PKHD1: variants seen among roughly 807,000 people sequenced by gnomAD.
The protein encoded by PKHD1 is PKHD1 ciliary IPT domain containing fibrocystin/polyductin, also known as fibrocystin.
In PKHD1, 291 loss-of-function variants were observed where a neutral mutation model predicts 412.0. The observed-to-expected ratio is 0.71, with a 90% CI of 0.64 to 0.78. PKHD1 has a LOEUF of 0.78. Ranked by LOEUF, PKHD1 falls within the 30% of genes least tolerant of loss-of-function variation. The probability of loss-of-function intolerance (pLI) is 0.00; values close to 1 mark genes in which losing one functional copy is unlikely to be tolerated. For synonymous variants in PKHD1, 1,777 were observed against 1,821.5 expected (o/e 0.98, Z 0.62); for missense variants, 4,825 against 4,950.7 (o/e 0.97, Z 0.76).
chr6:51,764,249 C>T (rs1376304034), intron 55 of PKHD1, among the ~76,000 whole-genome samples: 4 of 149,364 alleles, frequency 2.7e-5, no homozygotes, highest in East Asian at 2.0e-4. Flanking sequence ...AAAAAGTGGG[C>T]GAAAGACATG....
intron 52 of PKHD1, among the ~76,000 whole-genome samples, chr6:51,804,046 G>A (rs1289172015): frequency 6.6e-6 from 1 of 151,432 alleles, no homozygotes; most frequent in Non-Finnish European, 1.5e-5. Context: ...AGAAGTAGAT[G>A]TGAAGTCCTT....
At chr6:52,026,322 AC>A in intron 31 of PKHD1, 141 bp from the exon 32 acceptor site, 1 of 774,344 alleles carries the variant, frequency 1.3e-6, no homozygotes, top group Admixed American at 2.0e-5. Context: ...TCTCACCCCC[AC>A]CAAAGCTAAA....
intron 64 of PKHD1, among the ~76,000 whole-genome samples, chr6:51,637,267 C>T (rs1339777417): frequency 6.6e-6 from 1 of 152,132 alleles, no homozygotes; most frequent in African/African-American, 2.4e-5. Flanking sequence ...AAGACATATC[C>T]ATTCAAAAAC....
rs562718895 is a variant in PKHD1 at position 51,826,797 on chromosome 6, C to T, written c.8302+4064G>A. Among the ~76,000 whole-genome samples, 83 of 151,902 alleles carry T rather than the reference C, an allele frequency of 5.5e-4. No individual in the cohort carries two copies. The South Asian group carries it at 0.01, about 19-fold the overall frequency. On this transcript the variant is annotated intron_variant, in intron 52 of 66. Transcript: ENST00000371117. ...ATCCAATGTCCATAAAGATAGAACG[C>T]CTTGAAGGAAAATGGTACCATACTT... is the stretch of plus-strand genomic sequence containing the variant.
chr6:51,666,019 C>T (rs1019294541), intron 60 of PKHD1, among the ~76,000 whole-genome samples: 1 of 151,944 alleles, frequency 6.6e-6, no homozygotes, highest in Non-Finnish European at 1.5e-5. Flanking sequence ...TCAAGTATGA[C>T]GGTGAGTATT....
At chr6:51,850,554 C>G (rs2151645352) in intron 49 of PKHD1, among the ~76,000 whole-genome samples, 1 of 152,218 alleles carries the variant, frequency 6.6e-6, no homozygotes, top group African/African-American at 2.4e-5. Flanking sequence ...TTGTTTGTGT[C>G]CTCTCTTATT....
At chr6:51,883,338 T>A in intron 45 of PKHD1, 111 bp from the exon 46 acceptor site, 1 of 979,214 alleles carries the variant, frequency 1.0e-6, no homozygotes, top group Non-Finnish European at 1.6e-6. Flanking sequence ...TATATTGTAT[T>A]AAAGCACCTT....
At chr6:51,890,991 C>T (rs144342512) in intron 43 of PKHD1, among the ~76,000 whole-genome samples, 11 of 152,276 alleles carry the variant, frequency 7.2e-5, no homozygotes, top group African/African-American at 2.6e-4. Flanking sequence ...GGACTGAATG[C>T]AGACAAGGGT....
intron 51 of PKHD1, among the ~76,000 whole-genome samples, chr6:51,835,673 G>C (rs1769080038): frequency 6.6e-6 from 1 of 152,146 alleles, no homozygotes; most frequent in African/African-American, 2.4e-5. Context: ...ATTCTTCATA[G>C]TCCAATAAGC....
At chr6:52,073,618 T>G in intron 6 of PKHD1, 77 bp from the exon 7 acceptor site, 1 of 876,478 alleles carries the variant, frequency 1.1e-6, no homozygotes, top group Non-Finnish European at 1.9e-6. Context: ...TGTTTCTTTT[T>G]GGTTGTATAT....
intron 60 of PKHD1, among the ~76,000 whole-genome samples, chr6:51,679,348 A>C (rs901281216): frequency 3.9e-5 from 6 of 152,068 alleles, no homozygotes; most frequent in African/African-American, 1.4e-4. Context: ...GGCACAGGAA[A>C]CAGCTTGTTT....
At chr6:51,776,116 T>C (rs1790983882) in intron 53 of PKHD1, among the ~76,000 whole-genome samples, 195 bp from the exon 54 acceptor site, 1 of 151,986 alleles carries the variant, frequency 6.6e-6, no homozygotes, top group South Asian at 2.1e-4. Context: ...GACTCATGTA[T>C]TATTCACCAG....
rs1582431390 is a variant in PKHD1 at position 51,747,039 on chromosome 6, G to A, written c.9830-150C>T. 5 of 593,360 alleles carry A rather than the reference G, an allele frequency of 8.4e-6. No homozygotes were observed. The South Asian group carries it at 9.2e-5, about 11-fold the overall frequency. 36.8% of individuals were successfully genotyped at this position (593,360 alleles called of 1,614,324 possible). On this transcript the variant is annotated intron_variant, in intron 58 of 66. Transcript: ENST00000371117. ...AGCCTTAGGAGTTTACATACATCTT[G>A]ATATAAAATATCAGTAGTTCTTCAA...
At chr6:51,912,119 A>G (rs575570880) in intron 38 of PKHD1, among the ~76,000 whole-genome samples, 163 bp from the exon 39 acceptor site, 4 of 152,176 alleles carry the variant, frequency 2.6e-5, no homozygotes, top group Admixed American at 6.5e-5. Flanking sequence ...CATGAAAATT[A>G]GAAACTATGC....
chr6:51,864,616 G>C (rs370119794), intron 48 of PKHD1, among the ~76,000 whole-genome samples: 197 of 152,154 alleles, frequency 1.3e-3, no homozygotes, highest in African/African-American at 1.9e-3. Flanking sequence ...GAGAGAAACA[G>C]GTCTACAGAA....
At chr6:51,705,270 CA>C (rs1447418225) in intron 60 of PKHD1, among the ~76,000 whole-genome samples, 1 of 151,868 alleles carries the variant, frequency 6.6e-6, no homozygotes, top group Non-Finnish European at 1.5e-5. Flanking sequence ...GACTTGGTGT[CA>C]AATTCCCCAG....
intron 49 of PKHD1, among the ~76,000 whole-genome samples, chr6:51,852,664 CTTCT>C (rs1772507142): frequency 6.6e-6 from 1 of 151,702 alleles, no homozygotes; most frequent in African/African-American, 2.4e-5. Flanking sequence ...ATGTAATACC[CTTCT>C]TTGTCTTTTT....
intron 46 of PKHD1, among the ~76,000 whole-genome samples, chr6:51,873,225 T>C (rs553069803): frequency 3.1e-4 from 47 of 152,192 alleles, no homozygotes; most frequent in Non-Finnish European, 5.9e-4. Context: ...CATTATTATT[T>C]GTAAATAACC....
chr6:51,895,177 A>C (rs1404618307), intron 43 of PKHD1, among the ~76,000 whole-genome samples: 9 of 152,248 alleles, frequency 5.9e-5, no homozygotes, highest in Admixed American at 1.3e-4. Context: ...AACTCAGCCA[A>C]GAATGGTGGC....
Sources: gnomAD v4.1 joint callset for allele counts (sites outside exome capture counted in the v4.1 genomes callset) on GRCh38, gnomAD v4.1.1 for gene constraint, MANE v1.5 for transcripts, NCBI Gene and HGNC (gene_info 2026-07-23, HGNC 2026-07-21) for gene names.